EYS: variants seen among roughly 807,000 people sequenced by gnomAD.
EYS encodes protein eyes shut homolog.
A neutral mutation model predicts 282.1 loss-of-function variants in EYS; 250 were observed. That is an observed-to-expected ratio of 0.89 (90% CI 0.80 to 0.98). EYS has a LOEUF of 0.98. Among genes scored for constraint, EYS ranks in the 50% least tolerant of loss-of-function variants. EYS has a pLI of 0.00. For missense variants in EYS, 4,016 were observed against 3,709.0 expected (o/e 1.08, Z -2.15); for synonymous variants, 1,355 against 1,282.9 (o/e 1.06, Z -1.20).
intron 12 of EYS, among the ~76,000 whole-genome samples, chr6:65,117,066 T>A (rs898292245): frequency 6.6e-5 from 10 of 152,290 alleles, no homozygotes; most frequent in African/African-American, 2.4e-4. Context: ...GTAGGTGATA[T>A]GAATCACTTT....
intron 22 of EYS, among the ~76,000 whole-genome samples, chr6:64,666,387 G>C (rs1769229147): frequency 6.6e-6 from 1 of 152,112 alleles, no homozygotes; most frequent in African/African-American, 2.4e-5. Context: ...GATTACAAAA[G>C]TCAAGACTCT....
chr6:64,408,441 T>A (rs1322103069), intron 28 of EYS, among the ~76,000 whole-genome samples: 1 of 152,144 alleles, frequency 6.6e-6, no homozygotes, highest in African/African-American at 2.4e-5. Context: ...TTAAGTACGC[T>A]GGTACATATA....
intron 33 of EYS, among the ~76,000 whole-genome samples, chr6:64,016,412 A>T (rs1217880640): frequency 6.6e-6 from 1 of 152,104 alleles, no homozygotes; most frequent in Non-Finnish European, 1.5e-5. Flanking sequence ...AAGTTCATAA[A>T]TCACAGTGCT....
At chr6:65,632,625 G>C (rs1766956246) in intron 2 of EYS, among the ~76,000 whole-genome samples, 1 of 152,198 alleles carries the variant, frequency 6.6e-6, no homozygotes, top group South Asian at 2.1e-4. Context: ...CAGCGTTGCT[G>C]TTTGTGTGGT....
chr6:64,896,795 G>A (rs541201059), intron 18 of EYS, among the ~76,000 whole-genome samples: 2 of 152,192 alleles, frequency 1.3e-5, no homozygotes, highest in Admixed American at 1.3e-4. Context: ...TGAGGTTTGA[G>A]TAGGGAGTTT....
At chr6:64,548,475 A>T (rs568701080) in intron 26 of EYS, among the ~76,000 whole-genome samples, 1 of 152,348 alleles carries the variant, frequency 6.6e-6, no homozygotes, top group Admixed American at 6.5e-5. Context: ...TGACACATAT[A>T]CACCATGGAA....
At chr6:64,836,789 T>C (rs1309580876) in intron 19 of EYS, among the ~76,000 whole-genome samples, 2 of 151,572 alleles carry the variant, frequency 1.3e-5, no homozygotes, top group African/African-American at 4.8e-5. Flanking sequence ...TCTTCAAATG[T>C]GATAAAAGAC....
At chr6:64,309,593 TTC>T (rs1554142080) in intron 29 of EYS, among the ~76,000 whole-genome samples, 1 of 10,894 alleles carries the variant, frequency 9.2e-5, no homozygotes, top group Non-Finnish European at 1.8e-4. Context: ...ACAAACAACC[TTC>T]TTATAAAAAT....
intron 22 of EYS, among the ~76,000 whole-genome samples, chr6:64,709,069 G>A (rs149958242): frequency 5.3e-5 from 8 of 151,832 alleles, no homozygotes; most frequent in Admixed American, 3.3e-4. Flanking sequence ...TTATCTATGT[G>A]CAATGGAAAA....
intron 22 of EYS, among the ~76,000 whole-genome samples, chr6:64,777,383 T>A (rs1773712144): frequency 1.3e-5 from 2 of 152,068 alleles, no homozygotes; most frequent in African/African-American, 4.8e-5. Context: ...GTTGGAGTGT[T>A]GAATCCAATA....
At position 63,926,018 on chromosome 6, in the gene EYS, C is replaced by T. The variant is rs573933508; in HGVS notation, c.7055+58365G>A. 6.6e-5 allele frequency among the ~76,000 whole-genome samples: 10 copies of T among 152,270 alleles called. No individual in the cohort carries two copies. In the South Asian group the frequency reaches 1.7e-3, roughly 25 times the overall value. ...CTCTCCCACCCCTGGGCCCACCCCC[C>T]GATGTTCCCTTCCTTGTGTCCATGT... is the stretch of plus-strand genomic sequence containing the variant. On this transcript the variant is annotated intron_variant, in intron 35 of 42. Coordinates refer to ENST00000503581, the MANE Select transcript of EYS (RefSeq NM_001142800.2).
intron 35 of EYS, among the ~76,000 whole-genome samples, chr6:63,961,483 C>CCCAAATCCTA (rs1231953503): frequency 6.6e-6 from 1 of 151,988 alleles, no homozygotes; most frequent in Non-Finnish European, 1.5e-5. Context: ...CCACTACCCA[C>CCCAAATCCTA]CCAAATCCTA....
At chr6:64,405,187 G>T (rs1773666826) in intron 28 of EYS, among the ~76,000 whole-genome samples, 3 of 152,032 alleles carry the variant, frequency 2.0e-5, no homozygotes, top group Admixed American at 2.0e-4. Context: ...TCACATCCAT[G>T]AAGTGACATG....
chr6:64,422,721 C>A (rs541860499), intron 28 of EYS, among the ~76,000 whole-genome samples: 5 of 151,990 alleles, frequency 3.3e-5, no homozygotes, highest in Non-Finnish European at 7.4e-5. Context: ...GTTCTTAGAA[C>A]GATGGAGTGA....
chr6:63,722,292 C>T (rs1417885406), intron 42 of EYS, among the ~76,000 whole-genome samples: 1 of 152,110 alleles, frequency 6.6e-6, no homozygotes, highest in South Asian at 2.1e-4. Flanking sequence ...AACACTCCGC[C>T]ACCCCATTCC....
At chr6:65,652,305 T>C (rs931363754) in intron 1 of EYS, among the ~76,000 whole-genome samples, 1 of 152,048 alleles carries the variant, frequency 6.6e-6, no homozygotes, top group African/African-American at 2.4e-5. Flanking sequence ...GCAGAAGTAA[T>C]TTTGTAGTTG....
intron 1 of EYS, among the ~76,000 whole-genome samples, chr6:65,705,495 C>G (rs915004883): frequency 2.6e-5 from 4 of 152,078 alleles, no homozygotes; most frequent in Non-Finnish European, 2.9e-5. Context: ...TGTTTTTTAA[C>G]GCATTAACTC....
chr6:65,450,361 T>C (rs1273423351), intron 5 of EYS, among the ~76,000 whole-genome samples: 1 of 152,156 alleles, frequency 6.6e-6, no homozygotes, highest in Non-Finnish European at 1.5e-5. Flanking sequence ...TGCAATTTTA[T>C]ATATAATTAT....
intron 22 of EYS, among the ~76,000 whole-genome samples, chr6:64,800,581 A>T (rs1367060922): frequency 6.8e-6 from 1 of 147,570 alleles, no homozygotes; most frequent in Non-Finnish European, 1.5e-5. Context: ...TTTTTTTTTT[A>T]AAGTTTAGTC....
Sources: allele counts gnomAD v4.1 joint callset (sites outside exome capture counted in the v4.1 genomes callset), GRCh38; gene constraint gnomAD v4.1.1; transcripts MANE v1.5; gene names NCBI Gene and HGNC (gene_info 2026-07-23, HGNC 2026-07-21).